Variants in RBMS3 observed in about 807,000 individuals in gnomAD.
RBMS3 encodes the protein RNA binding motif single stranded interacting protein 3, also known as RNA-binding motif, single-stranded-interacting protein 3.
Under a neutral mutation model 66.8 loss-of-function variants are expected in RBMS3, and 27 were observed. The ratio of observed to expected loss-of-function variants is 0.40; its 90% CI spans 0.30 to 0.56. The LOEUF (loss-of-function observed/expected upper bound fraction) is 0.56. RBMS3 is among the 20% of genes least tolerant of loss of function. The pLI is 0.40. For synonymous variants in RBMS3, 188 were observed against 183.0 expected, an observed-to-expected ratio of 1.03 and a Z score of -0.22; for missense variants, 513 against 549.5, an observed-to-expected ratio of 0.93 and a Z score of 0.66.
At chr3:29,675,000 A>G (rs1427754808) in intron 4 of RBMS3, among the ~76,000 whole-genome samples, 1 of 152,244 alleles carries the variant, frequency 6.6e-6, no homozygotes, top group Non-Finnish European at 1.5e-5. Context: ...CTGACTTCAA[A>G]CTATACTACA....
chr3:29,418,363 GTC>G (rs998754452), intron 1 of RBMS3, among the ~76,000 whole-genome samples: 4 of 152,096 alleles, frequency 2.6e-5, no homozygotes, highest in African/African-American at 9.7e-5. Context: ...GTGTCTATTT[GTC>G]TCTCTGAAAT....
At chr3:29,372,444 C>T (rs1693455896) in intron 1 of RBMS3, among the ~76,000 whole-genome samples, 1 of 151,936 alleles carries the variant, frequency 6.6e-6, no homozygotes, top group Admixed American at 6.6e-5. Flanking sequence ...TCATTAGTTT[C>T]CCCTTCTGAT....
intron 3 of RBMS3, among the ~76,000 whole-genome samples, chr3:29,507,592 A>G (rs1344460806): frequency 1.3e-5 from 2 of 152,098 alleles, no homozygotes; most frequent in Non-Finnish European, 2.9e-5. Context: ...GATATGTGTA[A>G]TTATCAGTTG....
In RBMS3 at chr3:29,527,181, T is replaced by TTAAAAAAAAAAAAAAAAA. The variant is rs1491567884; in HGVS notation, c.307+38682_307+38683insTAAAAAAAAAAAAAAAAA. Among the ~76,000 whole-genome samples, 159 of 87,814 alleles carry TTAAAAAAAAAAAAAAAAA rather than the reference T, an allele frequency of 1.8e-3. 15 individuals are homozygous for TTAAAAAAAAAAAAAAAAA. Among genetic ancestry groups the TTAAAAAAAAAAAAAAAAA allele is most frequent in the African/African-American group, 3.2e-3 (68 of 21,074 alleles). 57.6% of individuals were successfully genotyped at this position (87,814 alleles called of 152,430 possible). On this transcript the variant is annotated intron_variant, in intron 3 of 14. Transcript: ENST00000383767. ...TTTCAGACGTGATTGTTAGGTAGAG[T>TTAAAAAAAAAAAAAAAAA]AAAAAAAAAAAAAAAAAAAAAAAAA... is the stretch of plus-strand genomic sequence containing the variant.
intron 5 of RBMS3, among the ~76,000 whole-genome samples, chr3:29,752,400 A>G (rs958735411): frequency 1.3e-5 from 2 of 152,054 alleles, no homozygotes; most frequent in African/African-American, 4.8e-5. Flanking sequence ...GAAAACAGGG[A>G]TGTGAAGTTT....
intron 4 of RBMS3, among the ~76,000 whole-genome samples, chr3:29,673,947 CA>C (rs1026619133): frequency 6.6e-6 from 1 of 151,876 alleles, no homozygotes; most frequent in Non-Finnish European, 1.5e-5. Context: ...AGAGATACAA[CA>C]AAAAAAGAGA....
In RBMS3 at chr3:29,743,514, G is replaced by T. The variant is rs576543396; in HGVS notation, c.557+3637G>T. ...GCAAATTTCCTGCCCCCAATCTACC[G>T]AATTAACAGTCTGGTGGTGAGGGTG... On this transcript the variant is annotated intron_variant, in intron 5 of 14. Coordinates refer to ENST00000383767, the MANE Select transcript of RBMS3 (RefSeq NM_001003793.3). Among the ~76,000 whole-genome samples, 16 of 152,176 alleles carry T rather than the reference G, an allele frequency of 1.1e-4. No homozygotes were observed. The South Asian group carries it at 3.3e-3, about 32-fold the overall frequency.
intron 1 of RBMS3, among the ~76,000 whole-genome samples, chr3:29,312,186 C>T (rs971762228): frequency 2.6e-5 from 4 of 151,722 alleles, no homozygotes; most frequent in Non-Finnish European, 5.9e-5. Flanking sequence ...GAGAATAACA[C>T]GTCTAGTGTT....
chr3:29,913,346 T>C (rs9820707), intron 10 of RBMS3, among the ~76,000 whole-genome samples: 2,317 of 152,084 alleles, frequency 0.015, 61 homozygotes, highest in African/African-American at 0.052. Context: ...AACTATATCA[T>C]CAGCAGAGAA....
chr3:29,838,705 C>A (rs1053415756), intron 6 of RBMS3, among the ~76,000 whole-genome samples: 1 of 152,064 alleles, frequency 6.6e-6, no homozygotes, highest in Non-Finnish European at 1.5e-5. Flanking sequence ...TTCAAACTGG[C>A]AATTTATTAA....
chr3:29,996,816 G>A (rs1699273359), intron 14 of RBMS3, among the ~76,000 whole-genome samples: 1 of 152,176 alleles, frequency 6.6e-6, no homozygotes, highest in South Asian at 2.1e-4. Flanking sequence ...GAGAAAGCAG[G>A]AAAGATCTAA....
chr3:29,488,539 GCTAT>G, intron 3 of RBMS3, 40 bp downstream of exon 3: 1 of 1,548,540 alleles, frequency 6.5e-7, no homozygotes, highest in Non-Finnish European at 8.9e-7. Context: ...TCTTGCCTAT[GCTAT>G]CTGATTAATG....
At chr3:29,798,929 G>GTTTTTTTTT (rs368923260) in intron 6 of RBMS3, among the ~76,000 whole-genome samples, 1 of 127,702 alleles carries the variant, frequency 7.8e-6, no homozygotes, top group East Asian at 2.3e-4. Flanking sequence ...GTACCCTCTG[G>GTTTTTTTTT]TTTTTTTTTT....
At chr3:29,429,965 T>A (rs1367939917) in intron 1 of RBMS3, among the ~76,000 whole-genome samples, 2 of 146,760 alleles carry the variant, frequency 1.4e-5, no homozygotes, top group Admixed American at 6.9e-5. Flanking sequence ...TTATTTATTT[T>A]TTAAGATTCT....
intron 1 of RBMS3, among the ~76,000 whole-genome samples, chr3:29,405,857 C>G (rs1449007191): frequency 6.6e-6 from 1 of 152,118 alleles, no homozygotes; most frequent in Admixed American, 6.5e-5. Context: ...GGTGGAGAGG[C>G]TATGCAACTT....
intron 6 of RBMS3, among the ~76,000 whole-genome samples, chr3:29,864,811 AAAGG>A (rs1283921007): frequency 9.8e-5 from 14 of 143,262 alleles, no homozygotes; most frequent in Non-Finnish European, 2.1e-4. Context: ...AATGTAAAAG[AAAGG>A]AAGGAAGGAA....
intron 3 of RBMS3, among the ~76,000 whole-genome samples, chr3:29,543,886 T>C (rs1240467510): frequency 3.9e-5 from 6 of 152,098 alleles, no homozygotes. Flanking sequence ...TTCTTTAAAA[T>C]AGAAAATATA....
At chr3:29,733,844 C>G (rs558331126) in intron 4 of RBMS3, among the ~76,000 whole-genome samples, 10 of 152,166 alleles carry the variant, frequency 6.6e-5, no homozygotes, top group African/African-American at 2.4e-4. Flanking sequence ...AAACCCTTTC[C>G]CTTATGTAGT....
chr3:29,352,008 T>C (rs2036943702), intron 1 of RBMS3, among the ~76,000 whole-genome samples: 1 of 152,084 alleles, frequency 6.6e-6, no homozygotes, highest in African/African-American at 2.4e-5. Flanking sequence ...GTATACCGAT[T>C]TGAAATTTGG....
Sources: gnomAD v4.1 joint callset for allele counts (sites outside exome capture counted in the v4.1 genomes callset) on GRCh38, gnomAD v4.1.1 for gene constraint, MANE v1.5 for transcripts, NCBI Gene and HGNC (gene_info 2026-07-23, HGNC 2026-07-21) for gene names.